SMARCA5: variants seen among roughly 807,000 people sequenced by gnomAD.
SMARCA5 encodes the protein SWI/SNF-related matrix-associated actin-dependent regulator of chromatin subfamily A member 5.
SMARCA5 carries 18 observed loss-of-function variants against 140.4 expected under a neutral mutation model. The observed-to-expected ratio is 0.13, with a 90% CI of 0.09 to 0.19. The LOEUF is 0.19. Ranked by LOEUF, SMARCA5 falls within the 10% of genes least tolerant of loss-of-function variation. SMARCA5 has a pLI of 1.00. For synonymous variants in SMARCA5, 449 were observed against 419.6 expected (o/e 1.07, Z -0.86); for missense variants, 606 against 1,276.8 (o/e 0.47, Z 8.01).
Position 143,556,616 on chromosome 4 carries a change from A to T in SMARCA5, c.*3432A>T, listed in dbSNP as rs1022270380. The T allele has an allele frequency of 1.3e-5, 2 of 152,200 alleles. No homozygotes were observed. Among genetic ancestry groups the T allele is most frequent in the African/African-American group, 4.8e-5 (2 of 41,448 alleles). The allele number at this position is 152,200 out of a possible 1,614,324, so 9.4% of individuals were successfully genotyped here. ...TTAACGGAGTAGCTGTTACCAAAATATATACATATTTTGTATATGTACATA... is the reference window on the plus strand; with the variant it reads ...TTAACGGAGTAGCTGTTACCAAAATTTATACATATTTTGTATATGTACATA... On this transcript the variant is annotated 3_prime_UTR_variant, in exon 24 of 24. Coordinates refer to ENST00000283131, the MANE Select transcript of SMARCA5 (RefSeq NM_003601.4).
At chr4:143,526,516 T>A in intron 6 of SMARCA5, 56 bp downstream of exon 6, 1 of 1,199,158 alleles carries the variant, frequency 8.3e-7, no homozygotes. Flanking sequence ...GAATTCAGGC[T>A]TGGGTATGGG....
chr4:143,522,132 A>G (rs939665621), intron 3 of SMARCA5, among the ~76,000 whole-genome samples: 1 of 152,152 alleles, frequency 6.6e-6, no homozygotes, highest in Admixed American at 6.6e-5. Flanking sequence ...TCACATACAG[A>G]TGTTGACAGT....
In SMARCA5 at chr4:143,553,128, C is replaced by T. The variant is rs751213732; in HGVS notation, c.3103C>T (p.Arg1035Cys). 2.5e-6 allele frequency: 4 copies of T among 1,611,528 alleles called. No individual in the cohort carries two copies. Among genetic ancestry groups the T allele is most frequent in the Non-Finnish European group, 3.4e-6 (4 of 1,178,086 alleles). The part of the protein sequence containing the change: ...KRGPKPSTQK[R>C]KMDGAPDGRG... ...TTCTGTCTGTTTGTAGACACAGAAA[C>T]GTAAAATGGATGGCGCACCTGATGG... Residue 1035 changes from arginine to cysteine, a missense_variant, in exon 24 of 24, where the codon CGT becomes TGT. Physicochemically the swap from Arg to Cys is radical, Grantham distance 180. Transcript: ENST00000283131.
chr4:143,521,715 C>A, intron 3 of SMARCA5, 120 bp downstream of exon 3: 1 of 902,800 alleles, frequency 1.1e-6, no homozygotes. Context: ...TTTATTTGGC[C>A]CTGTTTGGCT....
Position 143,513,930 on chromosome 4 carries a change from G to T in SMARCA5, c.6G>T (p.Ser2=). The part of the protein sequence containing the change: M[S]SAAEPPPPPP... ...GGTGACGCAGACGGAACATCATGTC[G>T]TCCGCGGCCGAGCCTCCGCCACCCC... The change falls in exon 1 of 24, where the codon TCG becomes TCT. Residue 2 remains serine, a synonymous_variant. Coordinates refer to ENST00000283131, the MANE Select transcript of SMARCA5 (RefSeq NM_003601.4). 6.5e-7 allele frequency: 1 copy of T among 1,543,530 alleles called. No homozygotes were observed. The highest frequency in any genetic ancestry group is 1.4e-5 in the African/African-American group (1 of 73,060).
chr4:143,530,714 A>G (rs868137523), intron 9 of SMARCA5, among the ~76,000 whole-genome samples, 188 bp downstream of exon 9: 2 of 152,338 alleles, frequency 1.3e-5, no homozygotes, highest in Middle Eastern at 3.4e-3. Flanking sequence ...TTTCAGTGTT[A>G]GAACCTAGAA....
intron 23 of SMARCA5, among the ~76,000 whole-genome samples, chr4:143,550,505 C>T (rs1737621738): frequency 6.6e-6 from 1 of 151,860 alleles, no homozygotes; most frequent in Admixed American, 6.6e-5. Flanking sequence ...TTGCGGTAGT[C>T]ACTGTGTTGG....
At chr4:143,524,151 G>A (rs576407452) in intron 3 of SMARCA5, among the ~76,000 whole-genome samples, 22 of 152,072 alleles carry the variant, frequency 1.4e-4, no homozygotes, top group Non-Finnish European at 2.5e-4. Context: ...TTAATGTATC[G>A]TACTGGTGTA....
chr4:143,543,531 G>C lies in SMARCA5; in HGVS notation c.1926G>C (p.Leu642=). Residue 642 remains leucine (L), a synonymous_variant, in exon 15 of 24, where the codon CTG becomes CTC. Transcript: ENST00000283131. Reference sequence around the variant, plus strand: ...CAGGGAGGCTTGTGGATCAGAATCTGAACAAAATTGGGAAAGATGAAATGC... The same window carrying C: ...CAGGGAGGCTTGTGGATCAGAATCTCAACAAAATTGGGAAAGATGAAATGC... The part of the protein sequence containing the change: ...IQQGRLVDQN[L]NKIGKDEMLQ... The C allele has an allele frequency of 6.2e-7, 1 of 1,613,178 alleles. No homozygotes were observed. The highest frequency in any genetic ancestry group is 1.1e-5 in the South Asian group (1 of 91,022).
At chr4:143,516,268 T>A (rs538049672) in intron 1 of SMARCA5, among the ~76,000 whole-genome samples, 7 of 151,656 alleles carry the variant, frequency 4.6e-5, no homozygotes, top group African/African-American at 1.7e-4. Flanking sequence ...TTCCTATGTA[T>A]TCAGTTACTT....
At chr4:143,529,864 A>AT (rs1163310533) in intron 8 of SMARCA5, among the ~76,000 whole-genome samples, 3 of 152,214 alleles carry the variant, frequency 2.0e-5, no homozygotes, top group Non-Finnish European at 2.9e-5. Flanking sequence ...TTTTGAGATA[A>AT]TTCCTGTTTC....
In SMARCA5 at chr4:143,557,379, T is replaced by G. The variant is rs1050378820; in HGVS notation, c.*4195T>G. On this transcript the variant is annotated 3_prime_UTR_variant, in exon 24 of 24. Coordinates refer to ENST00000283131, the MANE Select transcript of SMARCA5 (RefSeq NM_003601.4). Reference sequence around the variant, plus strand: ...TTACTACAGAAATTCTTGTTTTTGATGTAGACAACCCAAAGGAGTTTTTAT... The same window carrying G: ...TTACTACAGAAATTCTTGTTTTTGAGGTAGACAACCCAAAGGAGTTTTTAT... 1 of 152,224 alleles carries G rather than the reference T, an allele frequency of 6.6e-6. No homozygotes were observed. The highest frequency in any genetic ancestry group is 2.4e-5 in the African/African-American group (1 of 41,460). The allele number at this position is 152,224 out of a possible 1,614,324, so 9.4% of individuals were successfully genotyped here.
chr4:143,537,916 T>TAA (rs1737347369), intron 11 of SMARCA5, among the ~76,000 whole-genome samples: 1 of 43,606 alleles, frequency 2.3e-5, no homozygotes, highest in African/African-American at 8.8e-5. Context: ...AGACTCCATC[T>TAA]CAAAAAAAAA....
Position 143,513,824 on chromosome 4 carries a change from TCCA to T in SMARCA5, c.-97_-95del. 7.4e-7 allele frequency: 1 copy of T among 1,351,324 alleles called. No homozygotes were observed. The highest frequency in any genetic ancestry group is 2.2e-5 in the Admixed American group (1 of 44,598). 83.7% of individuals were successfully genotyped at this position (1,351,324 alleles called of 1,614,324 possible). A position where few individuals can be genotyped will look rare whatever the true frequency, so the allele number is the denominator to read the frequency against. The stretch of plus-strand genomic sequence containing the variant: ...AGCGCTCGGGTGGGAGTCTCGCTCC[TCCA>T]CCAGTTTATTGCGACGTAGCATCCA... On this transcript the variant is annotated 5_prime_UTR_variant, in exon 1 of 24. Transcript: ENST00000283131.
At chr4:143,528,823 T>C (rs1737124963) in intron 8 of SMARCA5, 109 bp downstream of exon 8, 1 of 871,908 alleles carries the variant, frequency 1.1e-6, no homozygotes, top group South Asian at 2.2e-5. Context: ...TTATTATTAA[T>C]TTTTTATGCT....
chr4:143,528,206 A>G (rs1303656111), intron 7 of SMARCA5, among the ~76,000 whole-genome samples, 183 bp downstream of exon 7: 1 of 152,128 alleles, frequency 6.6e-6, no homozygotes, highest in African/African-American at 2.4e-5. Flanking sequence ...CCCCGCATGC[A>G]TTAGGTATTT....
At chr4:143,516,451 T>G (rs1736838368) in intron 1 of SMARCA5, among the ~76,000 whole-genome samples, 1 of 152,170 alleles carries the variant, frequency 6.6e-6, no homozygotes, top group Non-Finnish European at 1.5e-5. Context: ...ATTTTATTTT[T>G]GTAGGTTGCA....
At chr4:143,515,955 AT>A (rs573651726) in intron 1 of SMARCA5, among the ~76,000 whole-genome samples, 215 of 143,302 alleles carry the variant, frequency 1.5e-3, no homozygotes, top group Non-Finnish European at 1.4e-3. Flanking sequence ...TCACTGACAC[AT>A]TTTTTTTTTG....
chr4:143,546,354 A>G (rs1401825248), intron 19 of SMARCA5, among the ~76,000 whole-genome samples: 1 of 152,058 alleles, frequency 6.6e-6, no homozygotes, highest in African/African-American at 2.4e-5. Context: ...TCAACTATAA[A>G]TCTTGGCTTG....
Sources: gnomAD v4.1 joint callset for allele counts (sites outside exome capture counted in the v4.1 genomes callset) on GRCh38, gnomAD v4.1.1 for gene constraint, MANE v1.5 for transcripts, NCBI Gene and HGNC (gene_info 2026-07-23, HGNC 2026-07-21) for gene names.